The following NRXN3 variants were observed in gnomAD, a reference collection of about 807,000 sequenced individuals.
NRXN3 encodes the protein neurexin III.
A neutral mutation model predicts 137.6 loss-of-function variants in NRXN3; 32 were observed. That is an observed-to-expected ratio of 0.23 (90% CI 0.18 to 0.31). The LOEUF (loss-of-function observed/expected upper bound fraction) is 0.31, where lower values mean the gene tolerates loss of function less well. Among genes scored for constraint, NRXN3 ranks in the 10% least tolerant of loss-of-function variants. NRXN3 has a pLI of 1.00. For synonymous variants in NRXN3, 798 were observed against 784.5 expected (o/e 1.02, Z -0.29); for missense variants, 1,574 against 2,062.5 (o/e 0.76, Z 4.59).
At chr14:79,761,046 G>C (rs942111232) in intron 19 of NRXN3, among the ~76,000 whole-genome samples, 2 of 151,704 alleles carry the variant, frequency 1.3e-5, no homozygotes, top group Non-Finnish European at 2.9e-5. Context: ...TCATGAGGAA[G>C]GGGACAGAGG....
intron 4 of NRXN3, among the ~76,000 whole-genome samples, chr14:78,509,453 G>A (rs542086676): frequency 2.0e-5 from 3 of 152,252 alleles, no homozygotes; most frequent in East Asian, 1.9e-4. Context: ...AATGGGAGAG[G>A]AGAGCTGCAT....
chr14:79,745,389 C>CTCATG (rs371346693), intron 19 of NRXN3, among the ~76,000 whole-genome samples: 5 of 152,126 alleles, frequency 3.3e-5, no homozygotes, highest in African/African-American at 1.2e-4. Context: ...GCAAACTCCC[C>CTCATG]TCATGTCCAC....
At chr14:79,670,757 C>T (rs777383996) in intron 17 of NRXN3, among the ~76,000 whole-genome samples, 1 of 152,084 alleles carries the variant, frequency 6.6e-6, no homozygotes, top group Non-Finnish European at 1.5e-5. Flanking sequence ...TCTTTGAATA[C>T]CTTAAAGCAT....
intron 15 of NRXN3, among the ~76,000 whole-genome samples, chr14:79,020,841 G>T (rs933462988): frequency 6.9e-6 from 1 of 144,662 alleles, no homozygotes; most frequent in East Asian, 2.1e-4. Context: ...TATGAAATGC[G>T]CTCTGCCTGT....
chr14:79,505,183 C>T (rs562837168), intron 16 of NRXN3, among the ~76,000 whole-genome samples: 1 of 150,576 alleles, frequency 6.6e-6, no homozygotes, highest in East Asian at 2.0e-4. Context: ...CCGTTGCTCT[C>T]CAGCCTGGGC....
intron 4 of NRXN3, among the ~76,000 whole-genome samples, chr14:78,314,680 T>G (rs890718878): frequency 6.6e-6 from 1 of 152,178 alleles, no homozygotes; most frequent in Non-Finnish European, 1.5e-5. Flanking sequence ...GCCTGGTGGC[T>G]ACAGTGACAG....
At chr14:78,453,885 A>T (rs1369595906) in intron 4 of NRXN3, among the ~76,000 whole-genome samples, 1 of 151,914 alleles carries the variant, frequency 6.6e-6, no homozygotes, top group East Asian at 1.9e-4. Context: ...CATGAAACAG[A>T]CTCTCCCTTA....
At position 79,004,009 on chromosome 14, in the gene NRXN3, C is replaced by T. The variant is rs150812755; in HGVS notation, c.3262+15868C>T. ...AATTCAAAAAAGAAAATTTAGCTAT[C>T]TTAAAAACTGGCACTTCTGAGAATA... On this transcript the variant is annotated intron_variant, in intron 15 of 20. Coordinates refer to ENST00000335750, the MANE Select transcript of NRXN3 (RefSeq NM_001330195.2). 2.5e-3 allele frequency among the ~76,000 whole-genome samples: 384 copies of T among 152,250 alleles called. 4 individuals carry two copies. The highest frequency in any genetic ancestry group is 8.8e-3 in the African/African-American group (366 of 41,554).
chr14:79,166,813 AT>A (rs1288510559), intron 15 of NRXN3, among the ~76,000 whole-genome samples: 2 of 151,872 alleles, frequency 1.3e-5, no homozygotes, highest in Non-Finnish European at 2.9e-5. Context: ...CTGAGATTCC[AT>A]TTTCTCATCT....
At chr14:79,230,087 T>C (rs2071870874) in intron 15 of NRXN3, among the ~76,000 whole-genome samples, 1 of 152,146 alleles carries the variant, frequency 6.6e-6, no homozygotes, top group African/African-American at 2.4e-5. Flanking sequence ...CTGCACTTTG[T>C]ATCTGGACTT....
At chr14:78,295,201 A>C (rs2076195413) in intron 3 of NRXN3, among the ~76,000 whole-genome samples, 1 of 152,138 alleles carries the variant, frequency 6.6e-6, no homozygotes, top group Admixed American at 6.5e-5. Context: ...AATAAAACAA[A>C]CCGTATTATG....
chr14:78,696,473 G>A (rs1316636201), intron 6 of NRXN3, among the ~76,000 whole-genome samples: 1 of 151,942 alleles, frequency 6.6e-6, no homozygotes, highest in African/African-American at 2.4e-5. Context: ...TTCAAAGATG[G>A]GAAAACTGAG....
intron 19 of NRXN3, among the ~76,000 whole-genome samples, chr14:79,704,726 C>T (rs1305480272): frequency 6.6e-6 from 1 of 152,146 alleles, no homozygotes; most frequent in Non-Finnish European, 1.5e-5. Flanking sequence ...CTTCTCCTTA[C>T]CCTTACGCAG....
At chr14:78,858,618 A>G (rs2099063879) in intron 10 of NRXN3, among the ~76,000 whole-genome samples, 1 of 152,220 alleles carries the variant, frequency 6.6e-6, no homozygotes, top group South Asian at 2.1e-4. Flanking sequence ...TTCCTCAACT[A>G]CTTAGAAATG....
intron 4 of NRXN3, among the ~76,000 whole-genome samples, chr14:78,431,303 G>T (rs2093869606): frequency 6.6e-6 from 1 of 152,184 alleles, no homozygotes; most frequent in Admixed American, 6.5e-5. Flanking sequence ...AAACTAAGGT[G>T]AATTACTGTC....
At chr14:79,235,831 C>T (rs2073255104) in intron 15 of NRXN3, among the ~76,000 whole-genome samples, 1 of 151,920 alleles carries the variant, frequency 6.6e-6, no homozygotes, top group Non-Finnish European at 1.5e-5. Flanking sequence ...AAAGATTGTA[C>T]TCATCATCAC....
intron 19 of NRXN3, among the ~76,000 whole-genome samples, chr14:79,758,104 G>T (rs2099025962): frequency 6.6e-6 from 1 of 152,156 alleles, no homozygotes; most frequent in African/African-American, 2.4e-5. Context: ...GAACAAAATA[G>T]AATTACCTTC....
Position 79,804,112 on chromosome 14 carries a change from G to A in NRXN3, c.4015-1000G>A, listed in dbSNP as rs192330785. The stretch of plus-strand genomic sequence containing the variant: ...TTTGGATCCAGACTTTAGTACATTT[G>A]GGAATTGGAAGATCAACAAGTCAGT... On this transcript the variant is annotated intron_variant, in intron 19 of 20. Transcript: ENST00000335750. Among the ~76,000 whole-genome samples, 9 of 151,760 alleles carry A rather than the reference G, an allele frequency of 5.9e-5. No homozygotes were observed. The East Asian group carries it at 1.8e-3, about 30-fold the overall frequency.
chr14:78,179,806 CTTT>C (rs1484799678), intron 1 of NRXN3, among the ~76,000 whole-genome samples: 7 of 50,412 alleles, frequency 1.4e-4, no homozygotes, highest in Non-Finnish European at 2.4e-4. Context: ...TATATTTGTT[CTTT>C]GTTTTTTTTT....
Sources: allele counts gnomAD v4.1 joint callset (sites outside exome capture counted in the v4.1 genomes callset), GRCh38; gene constraint gnomAD v4.1.1; transcripts MANE v1.5; gene names NCBI Gene and HGNC (gene_info 2026-07-23, HGNC 2026-07-21).